Variants in TNS3 observed in about 807,000 individuals in gnomAD.
The protein encoded by TNS3 is tensin 3, also known as tensin-3.
Under a neutral mutation model 140.9 loss-of-function variants are expected in TNS3, and 45 were observed. That is an observed-to-expected ratio of 0.32 (90% CI 0.25 to 0.41). The LOEUF (loss-of-function observed/expected upper bound fraction) is 0.41. TNS3 is among the 10% of genes least tolerant of loss of function. The pLI, the probability that TNS3 is intolerant of heterozygous loss-of-function variation, is 1.00. For missense variants in TNS3, 1,716 were observed against 1,906.7 expected (o/e 0.90, Z 1.86); for synonymous variants, 815 against 788.4 (o/e 1.03, Z -0.56).
intron 3 of TNS3, among the ~76,000 whole-genome samples, chr7:47,488,348 G>T (rs893103229): frequency 2.0e-5 from 3 of 152,188 alleles, no homozygotes; most frequent in Admixed American, 6.5e-5. Flanking sequence ...AGGGGCGGCT[G>T]TTGTAACAAC....
At chr7:47,450,864 T>C (rs572390720) in intron 4 of TNS3, among the ~76,000 whole-genome samples, 12 of 152,338 alleles carry the variant, frequency 7.9e-5, no homozygotes, top group Admixed American at 6.5e-4. Flanking sequence ...TGGCAGGGCA[T>C]GGTGGCTCAC....
At chr7:47,485,632 G>C (rs902033094) in intron 3 of TNS3, among the ~76,000 whole-genome samples, 6 of 152,396 alleles carry the variant, frequency 3.9e-5, no homozygotes, top group African/African-American at 1.2e-4. Context: ...AAAGCCATGG[G>C]CTGTGGCATC....
At chr7:47,506,056 C>G (rs1435917465) in intron 3 of TNS3, among the ~76,000 whole-genome samples, 9 of 152,176 alleles carry the variant, frequency 5.9e-5, no homozygotes, top group African/African-American at 1.9e-4. Flanking sequence ...AGCAAAATCC[C>G]AAGACTCTAA....
rs1784848737 is a variant in TNS3, at chr7:47,275,864, T to C, written c.*2212A>G. On this transcript the variant is annotated 3_prime_UTR_variant, in exon 31 of 31. Transcript: ENST00000311160. ...TCGAGGCATGGCTTCATGAGGGCCA[T>C]CGCGGGCACCCCGATGTCTCTGTGA... 2.2e-6 allele frequency: 1 copy of C among 455,918 alleles called. No homozygotes were observed. The highest frequency in any genetic ancestry group is 2.0e-5 in the African/African-American group (1 of 50,062). 28.2% of individuals were successfully genotyped at this position (455,918 alleles called of 1,614,324 possible). A position where few individuals can be genotyped will look rare whatever the true frequency, so the allele number is the denominator to read the frequency against.
intron 8 of TNS3, among the ~76,000 whole-genome samples, chr7:47,430,729 T>C (rs1421030320): frequency 1.2e-5 from 1 of 80,144 alleles, no homozygotes. Flanking sequence ...TATTTTTTCT[T>C]TTTTTTTTTT....
At chr7:47,462,563 G>A (rs1796532845) in intron 4 of TNS3, among the ~76,000 whole-genome samples, 1 of 152,108 alleles carries the variant, frequency 6.6e-6, no homozygotes, top group South Asian at 2.1e-4. Context: ...CACCAATAAT[G>A]AGAATCTACT....
Position 47,511,559 on chromosome 7 carries a change from C to T in TNS3, c.-152-4615G>A, listed in dbSNP as rs539878845. 6.0e-5 allele frequency among the ~76,000 whole-genome samples: 9 copies of T among 151,084 alleles called. No individual in the cohort carries two copies. In the East Asian group the frequency reaches 1.8e-3, roughly 29 times the overall value. On this transcript the variant is annotated intron_variant, in intron 2 of 30. Coordinates refer to ENST00000311160, the MANE Select transcript of TNS3 (RefSeq NM_022748.12). ...GAATACAAACCACACTGACAAGAGC[C>T]CTTTAGGGTCTTCTAGGACCCTAGC...
intron 8 of TNS3, among the ~76,000 whole-genome samples, chr7:47,433,707 T>C (rs2151525863): frequency 6.6e-6 from 1 of 152,324 alleles, no homozygotes; most frequent in South Asian, 2.1e-4. Flanking sequence ...CAGGTGCTGC[T>C]GCTGGGCCCA....
chr7:47,503,157 A>G (rs1347940903), intron 3 of TNS3, among the ~76,000 whole-genome samples: 1 of 152,090 alleles, frequency 6.6e-6, no homozygotes. Context: ...CTGCAGGTCC[A>G]TTTCACCTCT....
chr7:47,354,957 G>A (rs947483972), intron 17 of TNS3, among the ~76,000 whole-genome samples: 3 of 152,160 alleles, frequency 2.0e-5, no homozygotes, highest in African/African-American at 7.2e-5. Context: ...CTTCCCTCCA[G>A]ACACTGGGTG....
At chr7:47,353,095 T>C (rs952290673) in intron 17 of TNS3, among the ~76,000 whole-genome samples, 4 of 152,144 alleles carry the variant, frequency 2.6e-5, no homozygotes, top group Admixed American at 1.3e-4. Context: ...CCAGAGAAGG[T>C]CTGCATAAAC....
chr7:47,334,069 T>G (rs1001581153), intron 20 of TNS3, among the ~76,000 whole-genome samples: 11 of 152,144 alleles, frequency 7.2e-5, no homozygotes, highest in Non-Finnish European at 1.5e-4. Flanking sequence ...CATGACCCTT[T>G]GAAACCTACC....
At chr7:47,435,899 G>A (rs373506191) in intron 7 of TNS3, among the ~76,000 whole-genome samples, 18 of 152,330 alleles carry the variant, frequency 1.2e-4, no homozygotes, top group East Asian at 5.8e-4. Context: ...TAAGTTTGGT[G>A]CTTGGACAAA....
chr7:47,345,064 G>A (rs954981574), intron 18 of TNS3, 26 bp from the exon 19 acceptor site: 3 of 1,586,216 alleles, frequency 1.9e-6, no homozygotes, highest in Non-Finnish European at 1.7e-6. Flanking sequence ...GGAGTAGAAT[G>A]TGAGAACAGG....
At chr7:47,350,315 TGTCTCTC>T in intron 17 of TNS3, among the ~76,000 whole-genome samples, 1 of 152,238 alleles carries the variant, frequency 6.6e-6, no homozygotes, top group South Asian at 2.1e-4. Context: ...CAAATTCTTC[TGTCTCTC>T]GTGTGAATTT....
At chr7:47,477,967 G>A (rs1584743408) in intron 4 of TNS3, among the ~76,000 whole-genome samples, 1 of 152,262 alleles carries the variant, frequency 6.6e-6, no homozygotes, top group East Asian at 1.9e-4. Flanking sequence ...ATGCCAGGAG[G>A]AAGACAGCAC....
In TNS3 at chr7:47,415,176, G is replaced by A. The variant is rs774497061; in HGVS notation, c.504C>T (p.Ser168=). The A allele has an allele frequency of 3.3e-5, 53 of 1,609,600 alleles. No individual in the cohort carries two copies. The highest frequency in any genetic ancestry group is 2.0e-4 in the East Asian group (9 of 44,424). The change falls in exon 11 of 31, where the codon TCC becomes TCT. Residue 168 remains serine (S), a synonymous_variant. Coordinates refer to ENST00000311160, the MANE Select transcript of TNS3 (RefSeq NM_022748.12). ...RYVQFLSGLL[S]GSVKMNASPL... ...GAGAGGCATTCATTTTCACCGATCCGGACAGGAGCCCACTGAGGAACTGAA... is the reference window on the plus strand; with the variant it reads ...GAGAGGCATTCATTTTCACCGATCCAGACAGGAGCCCACTGAGGAACTGAA...
At chr7:47,529,379 C>A (rs1445736482) in intron 1 of TNS3, among the ~76,000 whole-genome samples, 1 of 152,226 alleles carries the variant, frequency 6.6e-6, no homozygotes, top group Non-Finnish European at 1.5e-5. Flanking sequence ...CGTTCACTCT[C>A]ACCCAACTCA....
chr7:47,288,184 C>T (rs1374525086), intron 27 of TNS3, among the ~76,000 whole-genome samples: 2 of 152,152 alleles, frequency 1.3e-5, no homozygotes, highest in African/African-American at 4.8e-5. Flanking sequence ...ACAATATGGG[C>T]ACAGCTGGAC....
Sources: allele counts gnomAD v4.1 joint callset (sites outside exome capture counted in the v4.1 genomes callset), GRCh38; gene constraint gnomAD v4.1.1; transcripts MANE v1.5; gene names NCBI Gene and HGNC (gene_info 2026-07-23, HGNC 2026-07-21).